Variants in LCLAT1 observed in about 807,000 individuals in gnomAD.
LCLAT1 encodes 1-AGP acyltransferase 8.
A neutral mutation model predicts 30.7 loss-of-function variants in LCLAT1; 11 were observed. The ratio of observed to expected loss-of-function variants is 0.36; its 90% CI spans 0.23 to 0.59. LCLAT1 has a LOEUF of 0.59. Ranked by LOEUF, LCLAT1 falls within the 20% of genes least tolerant of loss-of-function variation. The pLI is 0.77. For synonymous variants in LCLAT1, 155 were observed against 151.3 expected (o/e 1.02, Z -0.18); for missense variants, 402 against 458.6 (o/e 0.88, Z 1.13).
chr2:30,464,107 A>G (rs368768768), intron 1 of LCLAT1, among the ~76,000 whole-genome samples: 1 of 152,112 alleles, frequency 6.6e-6, no homozygotes, highest in Non-Finnish European at 1.5e-5. Context: ...TTATTTTCCT[A>G]TGCCCTCACT....
chr2:30,519,096 G>T (rs1685342449), intron 1 of LCLAT1, among the ~76,000 whole-genome samples: 1 of 152,086 alleles, frequency 6.6e-6, no homozygotes, highest in Non-Finnish European at 1.5e-5. Context: ...TTATCCAAAG[G>T]CACCTGGGCC....
chr2:30,602,858 A>T (rs1458691439), intron 5 of LCLAT1, among the ~76,000 whole-genome samples: 3 of 152,124 alleles, frequency 2.0e-5, no homozygotes, highest in African/African-American at 7.2e-5. Context: ...TTGGTTGAAT[A>T]CATATACATT....
intron 1 of LCLAT1, among the ~76,000 whole-genome samples, chr2:30,458,619 A>T (rs1422454524): frequency 6.6e-6 from 1 of 152,126 alleles, no homozygotes; most frequent in African/African-American, 2.4e-5. Flanking sequence ...GTTTTACTTA[A>T]GTGTTTTATT....
At chr2:30,550,672 C>T (rs1664638911) in intron 3 of LCLAT1, among the ~76,000 whole-genome samples, 1 of 152,122 alleles carries the variant, frequency 6.6e-6, no homozygotes, top group Non-Finnish European at 1.5e-5. Context: ...AAGGTGGTAT[C>T]TGTCAGGTTT....
At chr2:30,549,237 T>G (rs1238643786) in intron 3 of LCLAT1, among the ~76,000 whole-genome samples, 21 of 152,194 alleles carry the variant, frequency 1.4e-4, no homozygotes, top group Non-Finnish European at 1.5e-5. Flanking sequence ...CTTACTGACA[T>G]TAATGCAATT....
intron 1 of LCLAT1, among the ~76,000 whole-genome samples, chr2:30,474,671 T>C (rs1467917819): frequency 6.9e-6 from 1 of 145,506 alleles, no homozygotes; most frequent in Non-Finnish European, 1.5e-5. Context: ...TTTTTCTAAA[T>C]AGGGCCTCAC....
intron 1 of LCLAT1, among the ~76,000 whole-genome samples, chr2:30,483,901 A>G (rs1486035857): frequency 6.6e-6 from 1 of 152,194 alleles, no homozygotes; most frequent in Non-Finnish European, 1.5e-5. Context: ...GTTTGCCACT[A>G]AATAGTTCAG....
rs376234528 is a variant in LCLAT1, at chr2:30,567,935, T to G, written c.512-125T>G. 39 of 561,640 alleles carry G rather than the reference T, an allele frequency of 6.9e-5. No individual in the cohort carries two copies. In the East Asian group the frequency reaches 9.6e-4, roughly 14 times the overall value. 34.8% of individuals were successfully genotyped at this position (561,640 alleles called of 1,614,324 possible). ...CAATGTTTGTATCTTCTCATTTGACTCAGTATTCAGTAATTAGAGAATAAT... is the reference window on the plus strand; with the variant it reads ...CAATGTTTGTATCTTCTCATTTGACGCAGTATTCAGTAATTAGAGAATAAT... On this transcript the variant is annotated intron_variant, in intron 4 of 5. Transcript: ENST00000379509.
At chr2:30,520,134 C>T (rs1378693303) in intron 1 of LCLAT1, among the ~76,000 whole-genome samples, 1 of 152,194 alleles carries the variant, frequency 6.6e-6, no homozygotes, top group Non-Finnish European at 1.5e-5. Context: ...CACCGCATGG[C>T]CCAAGGTTCC....
intron 1 of LCLAT1, among the ~76,000 whole-genome samples, chr2:30,468,949 G>A (rs1682622271): frequency 6.6e-6 from 1 of 152,170 alleles, no homozygotes; most frequent in Non-Finnish European, 1.5e-5. Flanking sequence ...GCCCATGCTA[G>A]TGGGTATATA....
intron 1 of LCLAT1, among the ~76,000 whole-genome samples, chr2:30,452,796 C>G (rs189344495): frequency 6.6e-6 from 1 of 152,052 alleles, no homozygotes; most frequent in East Asian, 1.9e-4. Context: ...GAAAAGCTTT[C>G]GGTGTGTTTC....
intron 1 of LCLAT1, among the ~76,000 whole-genome samples, chr2:30,521,000 T>C (rs1298128212): frequency 6.6e-6 from 1 of 151,984 alleles, no homozygotes; most frequent in African/African-American, 2.4e-5. Context: ...AGTCACAGGA[T>C]GAGATAGGAG....
chr2:30,485,990 C>G (rs553155988), intron 1 of LCLAT1, among the ~76,000 whole-genome samples: 103 of 152,242 alleles, frequency 6.8e-4, no homozygotes, highest in Non-Finnish European at 1.3e-3. Context: ...TATATGTGGT[C>G]TGGTAAGCCT....
At chr2:30,583,141 C>T (rs1472210594) in intron 5 of LCLAT1, among the ~76,000 whole-genome samples, 1 of 152,174 alleles carries the variant, frequency 6.6e-6, no homozygotes, top group East Asian at 1.9e-4. Flanking sequence ...ATATAACTAG[C>T]TATTGGGTAT....
At chr2:30,450,461 T>A (rs1174100473) in intron 1 of LCLAT1, among the ~76,000 whole-genome samples, 1 of 152,222 alleles carries the variant, frequency 6.6e-6, no homozygotes, top group Non-Finnish European at 1.5e-5. Context: ...GGATCTCGAT[T>A]AGATGCATAG....
intron 3 of LCLAT1, chr2:30,552,478 A>G (rs1384278092): frequency 4.7e-6 from 2 of 428,226 alleles, no homozygotes; most frequent in Middle Eastern, 3.4e-4. Context: ...TTTGATTTCT[A>G]TCTTGTATTT....
intron 5 of LCLAT1, among the ~76,000 whole-genome samples, chr2:30,604,289 TG>T (rs1415142212): frequency 2.0e-5 from 3 of 152,146 alleles, no homozygotes; most frequent in Non-Finnish European, 4.4e-5. Context: ...TTTAGGACTG[TG>T]ACTTCTTAGC....
chr2:30,480,659 G>A (rs975957304), intron 1 of LCLAT1, among the ~76,000 whole-genome samples: 4 of 152,068 alleles, frequency 2.6e-5, no homozygotes, highest in African/African-American at 9.7e-5. Flanking sequence ...AGGCCTAGGC[G>A]AGGGGATCAA....
At chr2:30,507,296 G>A (rs1684712639) in intron 1 of LCLAT1, among the ~76,000 whole-genome samples, 2 of 151,958 alleles carry the variant, frequency 1.3e-5, no homozygotes, top group Admixed American at 1.3e-4. Flanking sequence ...ATTTTAACAG[G>A]GATTAACTGA....
Sources: allele counts gnomAD v4.1 joint callset (sites outside exome capture counted in the v4.1 genomes callset), GRCh38; gene constraint gnomAD v4.1.1; transcripts MANE v1.5; gene names NCBI Gene and HGNC (gene_info 2026-07-23, HGNC 2026-07-21).